Variants in TRIM33 observed in about 807,000 individuals in gnomAD.
TRIM33 encodes tripartite motif containing 33.
In TRIM33, 20 loss-of-function variants were observed where a neutral mutation model predicts 125.4. The ratio of observed to expected loss-of-function variants is 0.16; its 90% CI spans 0.11 to 0.23. TRIM33 has a LOEUF of 0.23. Ranked by LOEUF, TRIM33 falls within the 10% of genes least tolerant of loss-of-function variation. The pLI is 1.00. For missense variants in TRIM33, 920 were observed against 1,411.4 expected, an observed-to-expected ratio of 0.65 and a Z score of 5.58; for synonymous variants, 564 against 513.9, an observed-to-expected ratio of 1.10 and a Z score of -1.32.
Position 114,405,658 on chromosome 1 carries a change from A to G in TRIM33, c.2520T>C (p.Ile840=). The change falls in exon 15 of 20, where the codon ATT becomes ATC. Residue 840 remains isoleucine (I), a synonymous_variant. Coordinates refer to ENST00000358465, the MANE Select transcript of TRIM33 (RefSeq NM_015906.4). ...AGCTTTCATTCATATCTGCAGGTTCAATTTTCACATGGTTTTCCAGGCTTG... is the reference window on the plus strand; with the variant it reads ...AGCTTTCATTCATATCTGCAGGTTCGATTTTCACATGGTTTTCCAGGCTTG... ...ALASLENHVK[I]EPADMNESCK... The G allele has an allele frequency of 1.1e-5, 17 of 1,614,140 alleles. No homozygotes were observed. The highest frequency in any genetic ancestry group is 1.2e-5 in the Non-Finnish European group (14 of 1,179,994).
chr1:114,509,129 A>G (rs1653178584), intron 1 of TRIM33, among the ~76,000 whole-genome samples: 1 of 152,126 alleles, frequency 6.6e-6, no homozygotes, highest in Admixed American at 6.6e-5. Flanking sequence ...CAAGTGCCCT[A>G]AGTGATCTTT....
Position 114,455,807 on chromosome 1 carries a change from G to C in TRIM33, c.923+7297C>G, listed in dbSNP as rs148022294. On this transcript the variant is annotated intron_variant, in intron 4 of 19. Transcript: ENST00000358465. ...AAGATTTAAAAAGCCAGGGAACAAA[G>C]ATGACAATAAGCAACCTGACCTCAA... Among the ~76,000 whole-genome samples the C allele has an allele frequency of 1.1e-3, 165 of 152,284 alleles. 1 individual carries two copies. Among genetic ancestry groups the C allele is most frequent in the East Asian group, 0.01 (53 of 5,166 alleles).
chr1:114,406,884 G>C, intron 14 of TRIM33, 57 bp downstream of exon 14: 2 of 1,546,904 alleles, frequency 1.3e-6, no homozygotes, highest in Non-Finnish European at 1.8e-6. Context: ...ACTCAGAGCT[G>C]AAAGAATCAA....
intron 1 of TRIM33, among the ~76,000 whole-genome samples, chr1:114,502,442 A>G (rs1652772309): frequency 1.3e-5 from 2 of 152,236 alleles, no homozygotes; most frequent in South Asian, 4.1e-4. Flanking sequence ...ATATATTTTA[A>G]TTCATTACAA....
At position 114,405,640 on chromosome 1, in the gene TRIM33, A is replaced by C; in HGVS notation, c.2538T>G (p.Asn846Lys). 1 of 1,614,172 alleles carries C rather than the reference A, an allele frequency of 6.2e-7. No homozygotes were observed. Among genetic ancestry groups the C allele is most frequent in the Non-Finnish European group, 8.5e-7 (1 of 1,180,024 alleles). ...TGAGCCCTGACTGTTTGCAGCTTTCATTCATATCTGCAGGTTCAATTTTCA... is the reference window on the plus strand; with the variant it reads ...TGAGCCCTGACTGTTTGCAGCTTTCCTTCATATCTGCAGGTTCAATTTTCA... The part of the protein sequence containing the change: ...NHVKIEPADM[N>K]ESCKQSGLSS... Residue 846 changes from asparagine (N) to lysine (K), a missense_variant, in exon 15 of 20, where the codon AAT becomes AAG. Around this residue, in one of 8 missense-constraint regions of TRIM33, gnomAD observed 407 missense variants for 589.7 expected, o/e 0.69. Transcript: ENST00000358465.
rs534864146 is a variant in TRIM33, at chr1:114,403,764, G to T, written c.2769-881C>A. 3.9e-5 allele frequency among the ~76,000 whole-genome samples: 6 copies of T among 152,278 alleles called. No individual in the cohort carries two copies. In the South Asian group the frequency reaches 1.2e-3, roughly 32 times the overall value. On this transcript the variant is annotated intron_variant, in intron 15 of 19. Transcript: ENST00000358465. ...GACCAGGCAACTCCTGACCTCAGGT[G>T]ATCTGCCTACCTTGGCCTCCCAAAG...
In TRIM33 at chr1:114,393,439, G is replaced by T. The variant is rs1000280324; in HGVS notation, c.*4209C>A. ...GTGCCTTCCCACACATAAATTTGGT[G>T]AATTTAAAAGAGGAGCATTTTTAAT... On this transcript the variant is annotated 3_prime_UTR_variant, in exon 20 of 20. Coordinates refer to ENST00000358465, the MANE Select transcript of TRIM33 (RefSeq NM_015906.4). 3 of 201,622 alleles carry T rather than the reference G, an allele frequency of 1.5e-5. No individual in the cohort carries two copies. Among genetic ancestry groups the T allele is most frequent in the Non-Finnish European group, 3.1e-5 (3 of 98,002 alleles). 12.5% of individuals were successfully genotyped at this position (201,622 alleles called of 1,614,324 possible). A position where few individuals can be genotyped will look rare whatever the true frequency, so the allele number is the denominator to read the frequency against.
chr1:114,474,546 C>G (rs1377457132), intron 1 of TRIM33, among the ~76,000 whole-genome samples: 2 of 141,956 alleles, frequency 1.4e-5, no homozygotes, highest in Admixed American at 1.5e-4. Context: ...TCTACCGTAG[C>G]CTGGGTGACT....
intron 1 of TRIM33, among the ~76,000 whole-genome samples, chr1:114,506,772 C>G (rs1481415103): frequency 6.6e-6 from 1 of 152,210 alleles, no homozygotes; most frequent in Admixed American, 6.5e-5. Context: ...TCAATATTAA[C>G]TAATTTATCT....
chr1:114,434,827 C>T (rs1179474181), intron 4 of TRIM33, among the ~76,000 whole-genome samples: 1 of 152,176 alleles, frequency 6.6e-6, no homozygotes. Context: ...GGCCTCAATA[C>T]CAAGAAAAGC....
chr1:114,422,360 G>A (rs1377539214), intron 10 of TRIM33, among the ~76,000 whole-genome samples: 1 of 152,200 alleles, frequency 6.6e-6, no homozygotes, highest in African/African-American at 2.4e-5. Flanking sequence ...TGTAGCTTCT[G>A]CGCTCTGACA....
In TRIM33 at chr1:114,402,142, C is replaced by T. The variant is rs1046964538; in HGVS notation, c.2892+618G>A. ...CTGTCTTTGGCAATCAGACTACAGG[C>T]CAGATTGGTAAAAATCTGAGTAAAG... On this transcript the variant is annotated intron_variant, in intron 16 of 19. Transcript: ENST00000358465. Among the ~76,000 whole-genome samples the T allele has an allele frequency of 5.3e-5, 8 of 152,006 alleles. No individual in the cohort carries two copies. In the South Asian group the frequency reaches 6.2e-4, roughly 12 times the overall value.
At position 114,501,083 on chromosome 1, in the gene TRIM33, G is replaced by C. The variant is rs1235657151; in HGVS notation, c.526+9468C>G. Among the ~76,000 whole-genome samples, 14 of 113,664 alleles carry C rather than the reference G, an allele frequency of 1.2e-4. 4 individuals carry two copies. Among genetic ancestry groups the C allele is most frequent in the Admixed American group, 7.4e-4 (9 of 12,200 alleles). The allele number at this position is 113,664 out of a possible 152,430, so 74.6% of individuals were successfully genotyped here. A position where few individuals can be genotyped will look rare whatever the true frequency, so the allele number is the denominator to read the frequency against. On this transcript the variant is annotated intron_variant, in intron 1 of 19. Coordinates refer to ENST00000358465, the MANE Select transcript of TRIM33 (RefSeq NM_015906.4). ...CGGGCGCCTGTAGTCCCAGCTACTT[G>C]GGAGGCTGAGGCAGGAGAATGGCGT...
chr1:114,434,659 ATAT>A (rs1648167291), intron 4 of TRIM33, among the ~76,000 whole-genome samples: 1 of 152,186 alleles, frequency 6.6e-6, no homozygotes, highest in Non-Finnish European at 1.5e-5. Context: ...AAGTCAACAA[ATAT>A]TATTTAGTTT....
rs749722610 is a variant in TRIM33 at position 114,421,564 on chromosome 1, G to C, written c.1933C>G (p.Pro645Ala). The change falls in exon 11 of 20, where the codon CCT becomes GCT. Residue 645 changes from proline (P) to alanine (A), a missense_variant. This residue lies in a region of TRIM33 where 407 missense variants were observed against 589.7 expected (regional missense o/e 0.69). Transcript: ENST00000358465. ...VHNTTINPTS[P>A]TTATMANANR... ...GCATTTGCCATAGTTGCTGTAGTAG[G>C]GCTCGTTGGGTTGATTGTGGTGTTG... is the stretch of plus-strand genomic sequence containing the variant. 10 of 1,614,114 alleles carry C rather than the reference G, an allele frequency of 6.2e-6. No homozygotes were observed. Among genetic ancestry groups the C allele is most frequent in the African/African-American group, 2.7e-5 (2 of 75,022 alleles).
intron 4 of TRIM33, among the ~76,000 whole-genome samples, chr1:114,454,034 G>A (rs772439349): frequency 4.8e-4 from 73 of 152,202 alleles, no homozygotes; most frequent in Non-Finnish European, 7.8e-4. Context: ...CTTGCAGTGA[G>A]TTCTGTAAAT....
At chr1:114,398,603 T>G (rs1230284479) in intron 18 of TRIM33, among the ~76,000 whole-genome samples, 1 of 152,024 alleles carries the variant, frequency 6.6e-6, no homozygotes, top group Admixed American at 6.6e-5. Context: ...TGTTTTTGAT[T>G]TTAAAATGCC....
In TRIM33 at chr1:114,395,122, G is replaced by GA. The variant is rs1208847662; in HGVS notation, c.*2525dup. ...TTTTAACCATAGGTATATTAGAGCT[G>GA]AAAAAATCAGCTTAGAAACACAACG... On this transcript the variant is annotated 3_prime_UTR_variant, in exon 20 of 20. Coordinates refer to ENST00000358465, the MANE Select transcript of TRIM33 (RefSeq NM_015906.4). 1 of 196,808 alleles carries GA rather than the reference G, an allele frequency of 5.1e-6. No individual in the cohort carries two copies. The allele number at this position is 196,808 out of a possible 1,614,324, so 12.2% of individuals were successfully genotyped here. A position where few individuals can be genotyped will look rare whatever the true frequency, so the allele number is the denominator to read the frequency against.
intron 4 of TRIM33, among the ~76,000 whole-genome samples, chr1:114,447,011 G>A (rs538724502): frequency 8.6e-4 from 131 of 152,308 alleles, no homozygotes; most frequent in Non-Finnish European, 1.4e-3. Flanking sequence ...CAGTGTAGCT[G>A]TAGCAGAGAT....
Sources: allele counts gnomAD v4.1 joint callset (sites outside exome capture counted in the v4.1 genomes callset), GRCh38; gene constraint gnomAD v4.1.1; regional missense constraint gnomAD v4.1.1; transcripts MANE v1.5; gene names NCBI Gene and HGNC (gene_info 2026-07-23, HGNC 2026-07-21).